Variants in TOM1 observed in about 807,000 individuals in gnomAD.
TOM1 encodes the protein target of Myb protein 1.
Under a neutral mutation model 61.3 loss-of-function variants are expected in TOM1, and 38 were observed. The ratio of observed to expected loss-of-function variants is 0.62; its 90% CI spans 0.48 to 0.81. TOM1 has a LOEUF of 0.81. Among genes scored for constraint, TOM1 ranks in the 40% least tolerant of loss-of-function variants. TOM1 has a pLI of 0.00. For synonymous variants in TOM1, 270 were observed against 268.8 expected, an observed-to-expected ratio of 1.00 and a Z score of -0.04; for missense variants, 591 against 659.6, an observed-to-expected ratio of 0.90 and a Z score of 1.14.
At chr22:35,324,517 A>G (rs1928146176) in intron 6 of TOM1, among the ~76,000 whole-genome samples, 1 of 151,988 alleles carries the variant, frequency 6.6e-6, no homozygotes, top group African/African-American at 2.4e-5. Flanking sequence ...ACATTGTACC[A>G]TGCTGCTTCC....
chr22:35,345,595 G>T, intron 12 of TOM1, 130 bp from the exon 13 acceptor site: 1 of 862,320 alleles, frequency 1.2e-6, no homozygotes, highest in East Asian at 2.5e-5. Context: ...CCAGTGGTGG[G>T]TCCGGGCAGC....
chr22:35,332,378 G>A (rs1290347375), intron 8 of TOM1, among the ~76,000 whole-genome samples: 2 of 152,062 alleles, frequency 1.3e-5, no homozygotes, highest in Admixed American at 6.5e-5. Context: ...AGCACTTCAG[G>A]GAGGCAGGTG....
At chr22:35,322,576 G>T (rs529708970) in intron 3 of TOM1, 106 of 192,966 alleles carry the variant, frequency 5.5e-4, no homozygotes, top group Non-Finnish European at 9.7e-4. Flanking sequence ...TTTATATCCA[G>T]GTGAATTGGC....
Position 35,345,818 on chromosome 22 carries a change from G to A in TOM1, c.1284+34G>A, listed in dbSNP as rs375240421. The stretch of plus-strand genomic sequence containing the variant: ...GGGCCCACTCCTCACCCACACAGCA[G>A]GAGGACCCGTTGTTCTCACCAAGAA... On this transcript the variant is annotated intron_variant, in intron 13 of 14. Coordinates refer to ENST00000449058, the MANE Select transcript of TOM1 (RefSeq NM_005488.3). The A allele has an allele frequency of 4.4e-5, 71 of 1,609,750 alleles. No individual in the cohort carries two copies. In the Middle Eastern group the frequency reaches 1.2e-3, roughly 26 times the overall value.
intron 11 of TOM1, among the ~76,000 whole-genome samples, chr22:35,337,846 C>T (rs889301904): frequency 3.3e-5 from 5 of 152,182 alleles, no homozygotes; most frequent in African/African-American, 1.2e-4. Context: ...TCCTGTCTGC[C>T]GGCAGTTCAG....
At chr22:35,307,113 G>C (rs917836683) in intron 1 of TOM1, among the ~76,000 whole-genome samples, 1 of 152,032 alleles carries the variant, frequency 6.6e-6, no homozygotes, top group African/African-American at 2.4e-5. Context: ...ATTCAGGACA[G>C]TTTAACTCTT....
Position 35,323,409 on chromosome 22 carries a change from A to G in TOM1, c.367-87A>G. On this transcript the variant is annotated intron_variant, in intron 4 of 14. Coordinates refer to ENST00000449058, the MANE Select transcript of TOM1 (RefSeq NM_005488.3). The surrounding 1 kb of genome is among the most constrained non-coding windows in gnomAD (Gnocchi z 4.2). ...TTAAAAAAAAAAAAAAAGCAGGGAAAGAATGTCTGTTCTCTGTCTGAGTGC... is the reference window on the plus strand; with the variant it reads ...TTAAAAAAAAAAAAAAAGCAGGGAAGGAATGTCTGTTCTCTGTCTGAGTGC... 1 of 1,515,474 alleles carries G rather than the reference A, an allele frequency of 6.6e-7. No homozygotes were observed. 93.9% of individuals were successfully genotyped at this position (1,515,474 alleles called of 1,614,324 possible).
At chr22:35,306,807 C>G (rs1469301819) in intron 1 of TOM1, among the ~76,000 whole-genome samples, 1 of 152,298 alleles carries the variant, frequency 6.6e-6, no homozygotes, top group South Asian at 2.1e-4. Flanking sequence ...TCCAGTGCAG[C>G]CTTTGTGATG....
chr22:35,307,010 G>C (rs927282999), intron 1 of TOM1, among the ~76,000 whole-genome samples: 1 of 151,828 alleles, frequency 6.6e-6, no homozygotes, highest in East Asian at 1.9e-4. Flanking sequence ...TATAGTCCCA[G>C]ACTTCCACTC....
At chr22:35,325,282 T>C (rs1601691597) in intron 6 of TOM1, among the ~76,000 whole-genome samples, 1 of 152,324 alleles carries the variant, frequency 6.6e-6, no homozygotes, top group Non-Finnish European at 1.5e-5. Context: ...CTGCCCACTT[T>C]TTGTATCATT....
intron 1 of TOM1, among the ~76,000 whole-genome samples, chr22:35,310,227 T>C (rs557492354): frequency 9.9e-5 from 15 of 152,036 alleles, no homozygotes; most frequent in Non-Finnish European, 1.6e-4. Context: ...CCTGAGGATG[T>C]TGGAGGACAG....
At chr22:35,321,484 T>C (rs1386016780) in intron 2 of TOM1, among the ~76,000 whole-genome samples, 2 of 152,070 alleles carry the variant, frequency 1.3e-5, no homozygotes, top group Non-Finnish European at 2.9e-5. Context: ...CTGCAACCTC[T>C]GCCTCCTGGG....
rs1297647607 is a variant in TOM1, at chr22:35,334,360, C to T, written c.1060C>T (p.Gln354Ter). The change falls in exon 11 of 15, where the codon CAG becomes TAG. Residue 354 changes from glutamine (Q) to a stop codon, truncating the protein, a stop_gained. Transcript: ENST00000449058. LOFTEE classifies it high-confidence loss of function. Reference protein sequence around the residue: ...LGSSSVRAGLQSLEASGRLED... With the variant: ...LGSSSVRAGL Reference sequence around the variant, plus strand: ...CTCCAGCAGTGTGAGAGCTGGCCTGCAGTCTCTGGAGGCCTCTGGTCGACT... The same window carrying T: ...CTCCAGCAGTGTGAGAGCTGGCCTGTAGTCTCTGGAGGCCTCTGGTCGACT... The T allele has an allele frequency of 6.2e-7, 1 of 1,614,128 alleles. No individual in the cohort carries two copies. The highest frequency in any genetic ancestry group is 8.5e-7 in the Non-Finnish European group (1 of 1,179,980).
At chr22:35,335,402 C>A (rs1342288450) in intron 11 of TOM1, among the ~76,000 whole-genome samples, 2 of 152,208 alleles carry the variant, frequency 1.3e-5, no homozygotes, top group Non-Finnish European at 2.9e-5. Context: ...GCTGCCCTGG[C>A]TGTTAGCTGT....
intron 1 of TOM1, among the ~76,000 whole-genome samples, chr22:35,317,191 CTTGT>C (rs1271940519): frequency 3.3e-5 from 5 of 151,916 alleles, no homozygotes; most frequent in African/African-American, 4.8e-5. Flanking sequence ...TTCTTTTTTG[CTTGT>C]TTGTTTGTTT....
At chr22:35,299,838 C>T, upstream of TOM1, 1 of 1,463,058 alleles carries the variant, frequency 6.8e-7, no homozygotes, top group South Asian at 1.2e-5. Flanking sequence ...CGCCTCCTCG[C>T]CGGCCTCCGA....
At chr22:35,300,037 C>A in intron 1 of TOM1, 57 bp downstream of exon 1, 1 of 1,543,908 alleles carries the variant, frequency 6.5e-7, no homozygotes. Context: ...CAGCTTCGGT[C>A]CCCTGGGAAG....
intron 14 of TOM1, 23 bp from the exon 15 acceptor site, chr22:35,347,032 C>T (rs777337863): frequency 1.2e-6 from 2 of 1,610,234 alleles, no homozygotes; most frequent in East Asian, 2.2e-5. Context: ...AGGGCCTACC[C>T]TCACCCTCTC....
At chr22:35,309,725 G>A (rs972772279) in intron 1 of TOM1, among the ~76,000 whole-genome samples, 1 of 151,672 alleles carries the variant, frequency 6.6e-6, no homozygotes. Flanking sequence ...CATCTAGAAT[G>A]AATTCGTTCA....
Sources: allele counts gnomAD v4.1 joint callset (sites outside exome capture counted in the v4.1 genomes callset), GRCh38; gene constraint gnomAD v4.1.1; non-coding constraint Gnocchi (gnomAD v3.1); transcripts MANE v1.5; gene names NCBI Gene and HGNC (gene_info 2026-07-23, HGNC 2026-07-21).